TBC1D19: variants seen among roughly 807,000 people sequenced by gnomAD.
TBC1D19 encodes the protein TBC1 domain family, member 19.
In TBC1D19, 60 loss-of-function variants were observed where a neutral mutation model predicts 89.0. The ratio of observed to expected loss-of-function variants is 0.67; its 90% CI spans 0.55 to 0.84. TBC1D19 has a LOEUF of 0.84. Ranked by LOEUF, TBC1D19 falls within the 40% of genes least tolerant of loss-of-function variation. The pLI is 0.00. For missense variants in TBC1D19, 500 were observed against 610.8 expected, an observed-to-expected ratio of 0.82 and a Z score of 1.91; for synonymous variants, 189 against 199.7, an observed-to-expected ratio of 0.95 and a Z score of 0.45.
At chr4:26,639,566 A>G (rs1393441204) in intron 6 of TBC1D19, among the ~76,000 whole-genome samples, 1 of 152,314 alleles carries the variant, frequency 6.6e-6, no homozygotes, top group Admixed American at 6.5e-5. Context: ...TCATTTTAAT[A>G]TTTAAAATCT....
intron 7 of TBC1D19, among the ~76,000 whole-genome samples, chr4:26,643,325 C>A (rs1743679739): frequency 6.6e-6 from 1 of 152,200 alleles, no homozygotes; most frequent in Non-Finnish European, 1.5e-5. Flanking sequence ...TCCTGAATGA[C>A]TACTGGGTAC....
the TBC1D19 span, among the ~76,000 whole-genome samples, chr4:26,784,282 C>A: frequency 6.6e-6 from 1 of 152,178 alleles, no homozygotes; most frequent in African/African-American, 2.4e-5. Flanking sequence ...CCAGGAGATA[C>A]CCCTGGGCTT....
intron 19 of TBC1D19, among the ~76,000 whole-genome samples, chr4:26,751,822 C>T (rs923879492): frequency 6.6e-6 from 1 of 152,206 alleles, no homozygotes; most frequent in African/African-American, 2.4e-5. Context: ...TCCTTAGGCA[C>T]AATGACCAGG....
the TBC1D19 span, among the ~76,000 whole-genome samples, chr4:26,809,365 G>A: frequency 2.0e-5 from 3 of 152,102 alleles, no homozygotes; most frequent in Admixed American, 1.3e-4. Context: ...TTCTGCCTTC[G>A]GTTCCTGCCA....
chr4:26,694,162 G>T (rs1426549489), intron 13 of TBC1D19, among the ~76,000 whole-genome samples: 1 of 152,146 alleles, frequency 6.6e-6, no homozygotes, highest in Non-Finnish European at 1.5e-5. Flanking sequence ...GAGAAGGGGT[G>T]ACAGACGGCA....
intron 15 of TBC1D19, 39 bp from the exon 16 acceptor site, chr4:26,735,416 C>G: frequency 6.8e-7 from 1 of 1,463,364 alleles, no homozygotes; most frequent in East Asian, 2.5e-5. Flanking sequence ...AATCAGTAGG[C>G]CTACTACTTA....
chr4:26,818,224 A>T, the TBC1D19 span, among the ~76,000 whole-genome samples: 3 of 151,726 alleles, frequency 2.0e-5, no homozygotes, highest in South Asian at 4.2e-4. Flanking sequence ...TTTTATTTTT[A>T]TTTACTTGTT....
chr4:26,836,340 A>T, the TBC1D19 span, among the ~76,000 whole-genome samples: 4 of 152,178 alleles, frequency 2.6e-5, no homozygotes, highest in African/African-American at 9.7e-5. Flanking sequence ...TCCTCAACAA[A>T]TGTATTTTAA....
chr4:26,695,890 G>A (rs1232567126), intron 13 of TBC1D19, among the ~76,000 whole-genome samples: 1 of 152,186 alleles, frequency 6.6e-6, no homozygotes, highest in African/African-American at 2.4e-5. Context: ...AGCGGTACCA[G>A]CCACTATAAA....
chr4:26,725,612 C>G (rs539376529), intron 15 of TBC1D19, among the ~76,000 whole-genome samples: 1 of 152,070 alleles, frequency 6.6e-6, no homozygotes, highest in South Asian at 2.1e-4. Flanking sequence ...CAGGATTTTA[C>G]CATGTTGCCA....
chr4:26,603,176 G>C (rs1346880818), intron 1 of TBC1D19, among the ~76,000 whole-genome samples: 1 of 152,128 alleles, frequency 6.6e-6, no homozygotes, highest in Admixed American at 6.6e-5. Context: ...TGCAAAACTT[G>C]TCTCTGCCAC....
intron 14 of TBC1D19, 81 bp downstream of exon 14, chr4:26,718,098 G>A: frequency 1.9e-6 from 2 of 1,056,244 alleles, no homozygotes; most frequent in Non-Finnish European, 2.8e-6. Flanking sequence ...TGGAGATAGT[G>A]GTGTTGCCAA....
At chr4:26,606,312 A>G (rs1008599691) in intron 1 of TBC1D19, among the ~76,000 whole-genome samples, 3 of 152,236 alleles carry the variant, frequency 2.0e-5, no homozygotes, top group African/African-American at 2.4e-5. Context: ...CCAGGGTGGT[A>G]AGAAGGCTCT....
chr4:26,852,835 G>C, the TBC1D19 span, among the ~76,000 whole-genome samples: 2 of 152,116 alleles, frequency 1.3e-5, no homozygotes, highest in Non-Finnish European at 2.9e-5. Context: ...TAGCCAGGAT[G>C]GTCTCGATCT....
chr4:26,692,190 C>T (rs567779679), intron 13 of TBC1D19, among the ~76,000 whole-genome samples: 129 of 152,178 alleles, frequency 8.5e-4, no homozygotes, highest in African/African-American at 3.0e-3. Context: ...TTCTAGTTGA[C>T]GGTTACAATA....
rs1184075930 is a variant in TBC1D19, at chr4:26,737,397, T to G, written c.1117+1910T>G. Among the ~76,000 whole-genome samples, 7 of 152,298 alleles carry G rather than the reference T, an allele frequency of 4.6e-5. No homozygotes were observed. The East Asian group carries it at 5.8e-4, about 13-fold the overall frequency. On this transcript the variant is annotated intron_variant, in intron 16 of 20. Coordinates refer to ENST00000264866, the MANE Select transcript of TBC1D19 (RefSeq NM_018317.4). ...AATGTTCACTTTTTATCTTTCTACT[T>G]TAATAGTTCCAACTGCAAAAATTTT...
Position 26,662,038 on chromosome 4 carries a change from T to G in TBC1D19, c.591+2331T>G, listed in dbSNP as rs960233890. Among the ~76,000 whole-genome samples the G allele has an allele frequency of 2.0e-5, 3 of 152,308 alleles. No homozygotes were observed. The East Asian group carries it at 5.8e-4, about 29-fold the overall frequency. ...CACAGTTTTCCATTTCAGATGTCGT[T>G]TACCAGTCAAGGATCGTATGTTTTC... On this transcript the variant is annotated intron_variant, in intron 8 of 20. Transcript: ENST00000264866.
chr4:26,803,969 A>G, the TBC1D19 span, among the ~76,000 whole-genome samples: 1 of 151,858 alleles, frequency 6.6e-6, no homozygotes, highest in Non-Finnish European at 1.5e-5. Flanking sequence ...TGGAAATGAA[A>G]TGGGATTCAA....
intron 1 of TBC1D19, among the ~76,000 whole-genome samples, chr4:26,590,086 C>T (rs1739665031): frequency 6.6e-6 from 1 of 152,200 alleles, no homozygotes; most frequent in Non-Finnish European, 1.5e-5. Context: ...TGATAGTTAA[C>T]ATTTTAGTTC....
Sources: gnomAD v4.1 joint callset for allele counts (sites outside exome capture counted in the v4.1 genomes callset) on GRCh38, gnomAD v4.1.1 for gene constraint, MANE v1.5 for transcripts, NCBI Gene and HGNC (gene_info 2026-07-23, HGNC 2026-07-21) for gene names.